Variants in SLC13A1 observed in about 807,000 individuals in gnomAD.
SLC13A1 encodes solute carrier family 13 member 1.
In SLC13A1, 65 loss-of-function variants were observed where a neutral mutation model predicts 70.0. That is an observed-to-expected ratio of 0.93 (90% CI 0.76 to 1.14). The LOEUF (loss-of-function observed/expected upper bound fraction) is 1.14. Ranked by LOEUF, SLC13A1 falls within the 50% of genes most tolerant of loss-of-function variation. The pLI, the probability that SLC13A1 is intolerant of heterozygous loss-of-function variation, is 0.00. For synonymous variants in SLC13A1, 275 were observed against 250.5 expected, an observed-to-expected ratio of 1.10 and a Z score of -0.92; for missense variants, 726 against 717.8, an observed-to-expected ratio of 1.01 and a Z score of -0.13.
intron 12 of SLC13A1, among the ~76,000 whole-genome samples, chr7:123,121,262 A>G (rs949757967): frequency 6.6e-6 from 1 of 152,012 alleles, no homozygotes; most frequent in Non-Finnish European, 1.5e-5. Context: ...ACCATCCTCC[A>G]TATTCAGCTC....
intron 6 of SLC13A1, chr7:123,148,501 C>G (rs998632810): frequency 1.1e-5 from 5 of 452,938 alleles, no homozygotes; most frequent in Non-Finnish European, 1.8e-5. Flanking sequence ...AGGGTGTAAG[C>G]CAAAAGCAAC....
chr7:123,191,771 G>T (rs754926335), intron 1 of SLC13A1, among the ~76,000 whole-genome samples: 1 of 152,062 alleles, frequency 6.6e-6, no homozygotes, highest in East Asian at 1.9e-4. Flanking sequence ...CTGAACTAAG[G>T]TTCAACGATC....
intron 6 of SLC13A1, among the ~76,000 whole-genome samples, chr7:123,157,864 C>G (rs988133800): frequency 1.3e-5 from 2 of 151,970 alleles, no homozygotes; most frequent in Non-Finnish European, 2.9e-5. Flanking sequence ...TGTGGGGAAT[C>G]ATACAAGAAA....
At chr7:123,185,820 G>A (rs1280501598) in intron 1 of SLC13A1, among the ~76,000 whole-genome samples, 1 of 151,988 alleles carries the variant, frequency 6.6e-6, no homozygotes, top group Admixed American at 6.6e-5. Flanking sequence ...AATGGGTAGG[G>A]TAGCCATCTG....
At chr7:123,140,688 C>T (rs918416443) in intron 7 of SLC13A1, among the ~76,000 whole-genome samples, 1 of 151,952 alleles carries the variant, frequency 6.6e-6, no homozygotes, top group East Asian at 1.9e-4. Flanking sequence ...TCCATTTCTT[C>T]TAGGTTTTCT....
intron 1 of SLC13A1, among the ~76,000 whole-genome samples, chr7:123,182,520 T>A (rs1795671333): frequency 6.6e-6 from 1 of 152,114 alleles, no homozygotes; most frequent in South Asian, 2.1e-4. Context: ...CAGGTCACTT[T>A]CCAAGAATCC....
rs1359839458 is a variant in SLC13A1, at chr7:123,123,115, CAG to C, written c.1350+9_1350+10del. 1 of 1,554,248 alleles carries C rather than the reference CAG, an allele frequency of 6.4e-7. No homozygotes were observed. On this transcript the variant is annotated intron_variant, in intron 12 of 14. Coordinates refer to ENST00000194130, the MANE Select transcript of SLC13A1 (RefSeq NM_022444.4). Reference sequence around the variant, plus strand: ...GGTTAATTGTTAAATATCTTACACACAGAGTATTACCTCACAACCATCTGCCA... The same window carrying C: ...GGTTAATTGTTAAATATCTTACACACAGTATTACCTCACAACCATCTGCCA...
intron 1 of SLC13A1, among the ~76,000 whole-genome samples, chr7:123,195,216 C>CATTATTTCT (rs968626700): frequency 7.2e-5 from 11 of 151,982 alleles, no homozygotes; most frequent in African/African-American, 2.4e-4. Context: ...TTGCTATTAG[C>CATTATTTCT]ATTATTTCTA....
intron 6 of SLC13A1, among the ~76,000 whole-genome samples, chr7:123,159,122 C>G (rs1055156175): frequency 1.3e-5 from 2 of 151,620 alleles, no homozygotes; most frequent in Non-Finnish European, 2.9e-5. Flanking sequence ...AAATAGAAAG[C>G]GATGGTCTAA....
At chr7:123,118,322 GAT>G (rs1427229557) in intron 13 of SLC13A1, among the ~76,000 whole-genome samples, 1 of 152,048 alleles carries the variant, frequency 6.6e-6, no homozygotes, top group African/African-American at 2.4e-5. Flanking sequence ...AACACAAAAT[GAT>G]ATTGTACCAA....
intron 2 of SLC13A1, 52 bp downstream of exon 2, chr7:123,180,921 A>T (rs1795615914): frequency 1.3e-6 from 2 of 1,553,448 alleles, no homozygotes; most frequent in South Asian, 2.4e-5. Flanking sequence ...TCTCAATGGA[A>T]ATCTCAATAC....
chr7:123,151,144 T>G (rs1206614748), intron 6 of SLC13A1, among the ~76,000 whole-genome samples: 1 of 151,778 alleles, frequency 6.6e-6, no homozygotes, highest in East Asian at 1.9e-4. Context: ...GCCAACATGG[T>G]GAAACCCTGT....
At chr7:123,168,480 A>C (rs781013461) in intron 5 of SLC13A1, 24 bp downstream of exon 5, 1 of 1,600,720 alleles carries the variant, frequency 6.2e-7, no homozygotes, top group South Asian at 1.1e-5. Flanking sequence ...GAAAAATCCC[A>C]ATCAAAATGT....
rs192019381 is a variant in SLC13A1, at chr7:123,195,026, A to G, written c.99+4822T>C. ...TTGCCATTAATATTTGTCATACTAT[A>G]TAATGACTTTCCAGCAATTCTGCAA... On this transcript the variant is annotated intron_variant, in intron 1 of 14. Coordinates refer to ENST00000194130, the MANE Select transcript of SLC13A1 (RefSeq NM_022444.4). Among the ~76,000 whole-genome samples the G allele has an allele frequency of 8.6e-4, 131 of 152,304 alleles. 1 individual carries two copies. The highest frequency in any genetic ancestry group is 3.0e-3 in the African/African-American group (125 of 41,580).
chr7:123,178,532 G>A (rs189158406), intron 2 of SLC13A1, among the ~76,000 whole-genome samples: 122 of 152,238 alleles, frequency 8.0e-4, no homozygotes, highest in African/African-American at 2.8e-3. Context: ...ACAATGGGTT[G>A]TGTAGCATTA....
chr7:123,131,906 T>A (rs950509826), intron 8 of SLC13A1, among the ~76,000 whole-genome samples: 1 of 152,218 alleles, frequency 6.6e-6, no homozygotes, highest in Non-Finnish European at 1.5e-5. Flanking sequence ...TAATTTCTCC[T>A]TTTTAAATGG....
intron 6 of SLC13A1, among the ~76,000 whole-genome samples, chr7:123,150,489 A>G (rs1319302911): frequency 6.6e-6 from 1 of 152,158 alleles, no homozygotes; most frequent in Non-Finnish European, 1.5e-5. Flanking sequence ...GAAAAACAAG[A>G]AAGACTTCTT....
chr7:123,144,089 G>C (rs1034604916), intron 7 of SLC13A1, among the ~76,000 whole-genome samples: 3 of 152,158 alleles, frequency 2.0e-5, no homozygotes, highest in Admixed American at 2.0e-4. Context: ...AGTCTGAGGG[G>C]AGGTTGGATT....
At chr7:123,181,131 G>T (rs1795626111) in intron 1 of SLC13A1, 30 bp from the exon 2 acceptor site, 2 of 1,601,682 alleles carry the variant, frequency 1.2e-6, no homozygotes, top group African/African-American at 1.3e-5. Flanking sequence ...AGCAAAAGGT[G>T]ATATTATGAG....
Sources: gnomAD v4.1 joint callset for allele counts (sites outside exome capture counted in the v4.1 genomes callset) on GRCh38, gnomAD v4.1.1 for gene constraint, MANE v1.5 for transcripts, NCBI Gene and HGNC (gene_info 2026-07-23, HGNC 2026-07-21) for gene names.